The following NEBL variants were observed in gnomAD, a reference collection of about 807,000 sequenced individuals.
NEBL encodes the protein nebulette, also known as LIM and SH3 protein 2.
In NEBL, 122 loss-of-function variants were observed where a neutral mutation model predicts 140.2. That is an observed-to-expected ratio of 0.87 (90% CI 0.75 to 1.01). NEBL has a LOEUF of 1.01. NEBL is among the 50% of genes least tolerant of loss of function. The probability of loss-of-function intolerance (pLI) is 0.00; values close to 1 mark genes in which losing one functional copy is unlikely to be tolerated. For synonymous variants in NEBL, 436 were observed against 398.9 expected (o/e 1.09, Z -1.11); for missense variants, 1,365 against 1,231.3 (o/e 1.11, Z -1.62).
intron 3 of NEBL, among the ~76,000 whole-genome samples, chr10:20,992,700 T>A (rs1012657380): frequency 6.8e-6 from 1 of 146,898 alleles, no homozygotes; most frequent in Admixed American, 6.8e-5. Context: ...CTTACTATCC[T>A]CTACTAAAAT....
chr10:21,219,982 C>T (rs1452254612), intron 3 of NEBL, among the ~76,000 whole-genome samples: 4 of 151,456 alleles, frequency 2.6e-5, no homozygotes, highest in Admixed American at 6.6e-5. Flanking sequence ...GGGACGATCT[C>T]GGCTCACTGC....
chr10:21,047,213 G>T (rs1834559907), intron 2 of NEBL, among the ~76,000 whole-genome samples: 1 of 152,042 alleles, frequency 6.6e-6, no homozygotes, highest in Non-Finnish European at 1.5e-5. Context: ...ATTTACTCAA[G>T]AACAAAAATA....
chr10:21,162,636 C>T (rs983255726), intron 2 of NEBL, among the ~76,000 whole-genome samples: 1 of 152,204 alleles, frequency 6.6e-6, no homozygotes, highest in Non-Finnish European at 1.5e-5. Context: ...ACCTCCCACT[C>T]CAGGCTGAGA....
chr10:20,838,383 G>T (rs770015796), intron 13 of NEBL, among the ~76,000 whole-genome samples: 1 of 152,194 alleles, frequency 6.6e-6, no homozygotes, highest in Non-Finnish European at 1.5e-5. Context: ...AGAATTAGAA[G>T]TGGAACTTGA....
chr10:21,118,932 G>A (rs1171151427), intron 2 of NEBL, among the ~76,000 whole-genome samples: 2 of 152,192 alleles, frequency 1.3e-5, no homozygotes, highest in Admixed American at 6.5e-5. Context: ...TACTTTCACC[G>A]CTTACAGGGC....
At chr10:21,047,662 A>T (rs1834582441) in intron 2 of NEBL, among the ~76,000 whole-genome samples, 1 of 152,166 alleles carries the variant, frequency 6.6e-6, no homozygotes, top group African/African-American at 2.4e-5. Flanking sequence ...CAGGAGGTTT[A>T]TGAAAATCTG....
intron 26 of NEBL, among the ~76,000 whole-genome samples, chr10:20,790,094 A>G (rs1835823547): frequency 6.6e-6 from 1 of 152,052 alleles, no homozygotes; most frequent in African/African-American, 2.4e-5. Context: ...AAATGTGTAT[A>G]TGTTGCAGAC....
intron 2 of NEBL, among the ~76,000 whole-genome samples, chr10:21,048,498 T>C (rs1834622819): frequency 6.7e-6 from 1 of 148,330 alleles, no homozygotes; most frequent in Non-Finnish European, 1.5e-5. Context: ...AACAATAGAT[T>C]TAGCACCACA....
chr10:20,819,843 G>T (rs1839116172), intron 19 of NEBL, among the ~76,000 whole-genome samples: 1 of 151,986 alleles, frequency 6.6e-6, no homozygotes, highest in Non-Finnish European at 1.5e-5. Flanking sequence ...TCCCGACTCG[G>T]CCTCCCAAAG....
intron 4 of NEBL, among the ~76,000 whole-genome samples, 193 bp from the exon 5 acceptor site, chr10:20,881,097 T>G (rs1276453121): frequency 6.6e-6 from 1 of 152,198 alleles, no homozygotes; most frequent in Non-Finnish European, 1.5e-5. Flanking sequence ...ATTCTACCTC[T>G]TTGTTGTTTA....
intron 3 of NEBL, among the ~76,000 whole-genome samples, chr10:20,992,915 C>A (rs1837523189): frequency 6.6e-6 from 1 of 151,398 alleles, no homozygotes; most frequent in Non-Finnish European, 1.5e-5. Context: ...GTAGCTGGGA[C>A]TACAGGCGCC....
intron 3 of NEBL, among the ~76,000 whole-genome samples, chr10:21,212,175 T>C (rs1841928508): frequency 6.6e-6 from 1 of 151,444 alleles, no homozygotes; most frequent in Non-Finnish European, 1.5e-5. Context: ...ATACTACATA[T>C]AATACTGTGT....
upstream of NEBL, among the ~76,000 whole-genome samples, chr10:21,177,566 G>T (rs1290661026): frequency 6.7e-6 from 1 of 148,912 alleles, no homozygotes; most frequent in Non-Finnish European, 1.5e-5. Context: ...GTCTCGCTCT[G>T]TCCCCCAGGC....
intron 3 of NEBL, among the ~76,000 whole-genome samples, chr10:20,983,515 A>G (rs11012457): frequency 0.11 from 17,509 of 152,258 alleles, 1,757 homozygotes; most frequent in East Asian, 0.39. Context: ...AAGTATTCCA[A>G]TTTTATTTGG....
chr10:21,101,341 G>T (rs632551), intron 2 of NEBL, among the ~76,000 whole-genome samples: 131,844 of 152,240 alleles, frequency 0.87, 57,303 homozygotes, highest in Middle Eastern at 0.93. Context: ...CCCAGATCAC[G>T]TGCAGGCAAT....
chr10:21,007,328 T>C (rs1838175218), intron 3 of NEBL, among the ~76,000 whole-genome samples: 1 of 152,208 alleles, frequency 6.6e-6, no homozygotes, highest in African/African-American at 2.4e-5. Flanking sequence ...AAAGCAGCCT[T>C]ATACAGATAA....
intron 3 of NEBL, among the ~76,000 whole-genome samples, chr10:21,017,821 CT>C (rs149030323): frequency 0.019 from 2,698 of 140,192 alleles, 55 homozygotes; most frequent in East Asian, 0.053. Context: ...TGATTCTTCT[CT>C]TTTTTTTTTT....
chr10:21,144,437 A>C (rs1464987180), intron 2 of NEBL, among the ~76,000 whole-genome samples: 1 of 152,212 alleles, frequency 6.6e-6, no homozygotes, highest in Admixed American at 6.5e-5. Context: ...AAATAAAATC[A>C]GAATGGGGCC....
chr10:21,272,550 C>T (rs1056516725), intron 1 of NEBL, among the ~76,000 whole-genome samples: 4 of 152,118 alleles, frequency 2.6e-5, no homozygotes, highest in Admixed American at 1.3e-4. Context: ...GATCACACCA[C>T]TGCACTCCAG....
Sources: allele counts gnomAD v4.1 joint callset (sites outside exome capture counted in the v4.1 genomes callset), GRCh38; gene constraint gnomAD v4.1.1; transcripts MANE v1.5; gene names NCBI Gene and HGNC (gene_info 2026-07-23, HGNC 2026-07-21).